SDK1: variants seen among roughly 807,000 people sequenced by gnomAD.
The protein encoded by SDK1 is protein sidekick-1.
Under a neutral mutation model 245.5 loss-of-function variants are expected in SDK1, and 157 were observed. The observed-to-expected ratio is 0.64, with a 90% confidence interval of 0.56 to 0.73. The LOEUF is 0.73. SDK1 is among the 30% of genes least tolerant of loss of function. The pLI is 0.00. For missense variants in SDK1, 3,583 were observed against 3,002.3 expected, an observed-to-expected ratio of 1.19 and a Z score of -4.52; for synonymous variants, 1,647 against 1,278.5, an observed-to-expected ratio of 1.29 and a Z score of -6.15.
At chr7:3,922,796 T>C (rs1779639683) in intron 5 of SDK1, among the ~76,000 whole-genome samples, 1 of 152,230 alleles carries the variant, frequency 6.6e-6, no homozygotes, top group African/African-American at 2.4e-5. Context: ...TGCAAATCTT[T>C]TTCCAAGTCG....
rs114809231 is a variant in SDK1, at chr7:3,567,489, G to A, written c.299-51591G>A. On this transcript the variant is annotated intron_variant, in intron 1 of 44. Transcript: ENST00000404826. ...ATGTGTCTTGACGTTTAGACTAAGTGGTCAAAAATTCTTGTCCTGGTGCTA... is the reference window on the plus strand; with the variant it reads ...ATGTGTCTTGACGTTTAGACTAAGTAGTCAAAAATTCTTGTCCTGGTGCTA... Among the ~76,000 whole-genome samples the A allele has an allele frequency of 2.1e-3, 326 of 152,268 alleles. 1 individual carries two copies. Among genetic ancestry groups the A allele is most frequent in the African/African-American group, 7.6e-3 (314 of 41,536 alleles).
At chr7:3,405,784 G>A (rs1779034894) in intron 1 of SDK1, among the ~76,000 whole-genome samples, 1 of 148,702 alleles carries the variant, frequency 6.7e-6, no homozygotes, top group Non-Finnish European at 1.5e-5. Flanking sequence ...TAGTTCTGTT[G>A]TGCTTAATTT....
At position 3,817,669 on chromosome 7, in the gene SDK1, A is replaced by C. The variant is rs116887092; in HGVS notation, c.714-3781A>C. Among the ~76,000 whole-genome samples, 24 of 152,248 alleles carry C rather than the reference A, an allele frequency of 1.6e-4. 1 individual carries two copies. In the East Asian group the frequency reaches 3.7e-3, roughly 23 times the overall value. ...AACATAGCAGGGAGCTTCCCAGTCG[A>C]TGCCTAGCAAGGTGGCCCTCCCTCC... On this transcript the variant is annotated intron_variant, in intron 4 of 44. Transcript: ENST00000404826.
intron 1 of SDK1, among the ~76,000 whole-genome samples, chr7:3,583,018 C>G (rs921579138): frequency 4.6e-5 from 7 of 152,200 alleles, no homozygotes; most frequent in Non-Finnish European, 1.0e-4. Context: ...GTCCTTCCTT[C>G]TGTGACCCAG....
At position 3,481,384 on chromosome 7, in the gene SDK1, A is replaced by G. The variant is rs112714015; in HGVS notation, c.299-137696A>G. 3.9e-5 allele frequency among the ~76,000 whole-genome samples: 6 copies of G among 152,300 alleles called. 1 individual carries two copies. Among genetic ancestry groups the G allele is most frequent in the African/African-American group, 1.4e-4 (6 of 41,570 alleles). On this transcript the variant is annotated intron_variant, in intron 1 of 44. Coordinates refer to ENST00000404826, the MANE Select transcript of SDK1 (RefSeq NM_152744.4). ...TTCGTTTATTGAGTGTGATAGATTT[A>G]AAAAAGGCAGAATTGTCAGTCAAGG...
chr7:3,725,750 C>G (rs1401294572), intron 4 of SDK1, among the ~76,000 whole-genome samples: 1 of 152,148 alleles, frequency 6.6e-6, no homozygotes, highest in Admixed American at 6.5e-5. Context: ...AAGAAAATTG[C>G]TAGTACCAGT....
intron 22 of SDK1, among the ~76,000 whole-genome samples, chr7:4,088,673 C>T (rs762981367): frequency 6.6e-6 from 1 of 152,110 alleles, no homozygotes; most frequent in Non-Finnish European, 1.5e-5. Flanking sequence ...CACTGCCCTT[C>T]TGTTTCACTA....
chr7:4,080,716 G>C (rs1490798980), intron 22 of SDK1, among the ~76,000 whole-genome samples: 7 of 152,106 alleles, frequency 4.6e-5, no homozygotes, highest in Non-Finnish European at 1.5e-5. Flanking sequence ...GTGGCGTTGA[G>C]GGGGTGGGGA....
chr7:3,428,186 C>A (rs1013469428), intron 1 of SDK1, among the ~76,000 whole-genome samples: 3 of 152,160 alleles, frequency 2.0e-5, no homozygotes, highest in African/African-American at 7.2e-5. Context: ...CGTGATTGGT[C>A]ATGGATCATG....
intron 5 of SDK1, among the ~76,000 whole-genome samples, chr7:3,932,274 T>C (rs941865547): frequency 1.2e-4 from 18 of 152,348 alleles, no homozygotes; most frequent in African/African-American, 4.3e-4. Context: ...GCTGTGCTTT[T>C]GTGCACTTCA....
At chr7:3,759,127 C>G (rs1004307990) in intron 4 of SDK1, among the ~76,000 whole-genome samples, 1 of 152,180 alleles carries the variant, frequency 6.6e-6, no homozygotes, top group Non-Finnish European at 1.5e-5. Flanking sequence ...AACCAAAATA[C>G]AGGCTTTACC....
intron 4 of SDK1, among the ~76,000 whole-genome samples, chr7:3,755,575 T>A (rs1367387623): frequency 6.6e-6 from 1 of 152,146 alleles, no homozygotes; most frequent in African/African-American, 2.4e-5. Flanking sequence ...ATTCACTCTT[T>A]ATGAGGAACA....
intron 1 of SDK1, among the ~76,000 whole-genome samples, chr7:3,423,831 AAC>A (rs1208414997): frequency 1.3e-5 from 2 of 152,330 alleles, no homozygotes; most frequent in South Asian, 2.1e-4. Context: ...CTCTGTAAAT[AAC>A]ACAGAGTAAA....
In SDK1 at chr7:4,122,314, G is replaced by A. The variant is rs527377274; in HGVS notation, c.3824-5067G>A. On this transcript the variant is annotated intron_variant, in intron 25 of 44. Transcript: ENST00000404826. ...AGAAAACTCGATCCTTTTTTGAAAT[G>A]GGGGGAGGCAGGGATGAGATGGGGA... Among the ~76,000 whole-genome samples the A allele has an allele frequency of 3.9e-5, 6 of 152,224 alleles. No homozygotes were observed. In the South Asian group the frequency reaches 1.2e-3, roughly 32 times the overall value.
intron 1 of SDK1, among the ~76,000 whole-genome samples, chr7:3,564,719 C>T (rs767504343): frequency 3.9e-5 from 6 of 152,022 alleles, no homozygotes; most frequent in Non-Finnish European, 8.8e-5. Context: ...AGAAAGTAGT[C>T]AAAAGCTTTC....
intron 4 of SDK1, among the ~76,000 whole-genome samples, chr7:3,654,547 A>C (rs1562633512): frequency 6.6e-6 from 1 of 152,216 alleles, no homozygotes; most frequent in Non-Finnish European, 1.5e-5. Context: ...TAAGTTTGAC[A>C]TCTACACCAT....
At chr7:4,067,741 A>T in intron 19 of SDK1, 97 bp from the exon 20 acceptor site, 1 of 839,470 alleles carries the variant, frequency 1.2e-6, no homozygotes, top group Non-Finnish European at 1.9e-6. Context: ...GCCCCAGCTC[A>T]CCACTTTCCT....
intron 22 of SDK1, among the ~76,000 whole-genome samples, chr7:4,096,139 A>T (rs1403999218): frequency 2.0e-5 from 3 of 152,222 alleles, no homozygotes; most frequent in Non-Finnish European, 4.4e-5. Context: ...CACAGTGTTT[A>T]TAAGCACATC....
At chr7:3,998,936 G>C (rs1784873521) in intron 14 of SDK1, among the ~76,000 whole-genome samples, 1 of 152,176 alleles carries the variant, frequency 6.6e-6, no homozygotes, top group Non-Finnish European at 1.5e-5. Flanking sequence ...AAGCTAACCT[G>C]AGTGTCTAAC....
Sources: allele counts gnomAD v4.1 joint callset (sites outside exome capture counted in the v4.1 genomes callset), GRCh38; gene constraint gnomAD v4.1.1; transcripts MANE v1.5; gene names NCBI Gene and HGNC (gene_info 2026-07-23, HGNC 2026-07-21).